KIF21A: variants seen among roughly 807,000 people sequenced by gnomAD.
The protein encoded by KIF21A is kinesin family member 21A, also known as kinesin-like protein KIF21A.
Under a neutral mutation model 202.9 loss-of-function variants are expected in KIF21A, and 114 were observed. That is an observed-to-expected ratio of 0.56 (90% CI 0.48 to 0.66). The LOEUF is 0.66. Among genes scored for constraint, KIF21A ranks in the 30% least tolerant of loss-of-function variants. The probability of loss-of-function intolerance (pLI) is 0.00; values close to 1 mark genes in which losing one functional copy is unlikely to be tolerated. For synonymous variants in KIF21A, 667 were observed against 670.8 expected (o/e 0.99, Z 0.09); for missense variants, 1,677 against 1,994.9 (o/e 0.84, Z 3.04).
chr12:39,442,855 C>T lies in KIF21A; in HGVS notation c.44+72G>A. 2 of 1,501,832 alleles carry T rather than the reference C, an allele frequency of 1.3e-6. No homozygotes were observed. Among genetic ancestry groups the T allele is most frequent in the African/African-American group, 1.4e-5 (1 of 69,754 alleles). 93.0% of individuals were successfully genotyped at this position (1,501,832 alleles called of 1,614,324 possible). Reference sequence around the variant, plus strand: ...CGCTCCACCCCGGTAGCCGGTGCTCCGCGCCACAGCCAGGTCCTTGCCGCG... The same window carrying T: ...CGCTCCACCCCGGTAGCCGGTGCTCTGCGCCACAGCCAGGTCCTTGCCGCG... On this transcript the variant is annotated intron_variant, in intron 1 of 37. Coordinates refer to ENST00000361418, the MANE Select transcript of KIF21A (RefSeq NM_001173464.2). The surrounding 1 kb of genome is among the most constrained non-coding windows in gnomAD (Gnocchi z 5.0).
At chr12:39,301,275 G>A (rs1362167057) in intron 37 of KIF21A, among the ~76,000 whole-genome samples, 1 of 152,170 alleles carries the variant, frequency 6.6e-6, no homozygotes, top group African/African-American at 2.4e-5. Flanking sequence ...CTATACAGGA[G>A]TAACAGTATT....
chr12:39,346,563 G>T, intron 11 of KIF21A, 59 bp from the exon 12 acceptor site: 1 of 1,219,714 alleles, frequency 8.2e-7, no homozygotes, highest in Non-Finnish European at 1.1e-6. Context: ...AAACCAGACA[G>T]TAAAAAGCGA....
intron 1 of KIF21A, among the ~76,000 whole-genome samples, chr12:39,384,548 A>C (rs984090943): frequency 3.9e-5 from 6 of 152,216 alleles, no homozygotes; most frequent in Non-Finnish European, 7.3e-5. Flanking sequence ...ATCCATGAAG[A>C]ATGGAGGCAG....
intron 34 of KIF21A, 144 bp downstream of exon 34, chr12:39,307,421 G>A (rs1943583757): frequency 3.0e-6 from 2 of 670,096 alleles, no homozygotes; most frequent in Non-Finnish European, 5.1e-6. Flanking sequence ...GAGACATTTA[G>A]AGGTACTATG....
At chr12:39,382,556 T>A (rs1011742106) in intron 1 of KIF21A, among the ~76,000 whole-genome samples, 6 of 152,138 alleles carry the variant, frequency 3.9e-5, no homozygotes, top group African/African-American at 1.4e-4. Context: ...AATAATCTAC[T>A]CCAATGGGGC....
At chr12:39,298,971 C>T (rs1232135088) in intron 37 of KIF21A, among the ~76,000 whole-genome samples, 1 of 152,132 alleles carries the variant, frequency 6.6e-6, no homozygotes, top group African/African-American at 2.4e-5. Flanking sequence ...ATGCCTCGCA[C>T]ATAGTAAGCA....
At chr12:39,396,300 C>T (rs1951755977) in intron 1 of KIF21A, among the ~76,000 whole-genome samples, 1 of 152,172 alleles carries the variant, frequency 6.6e-6, no homozygotes, top group Admixed American at 6.5e-5. Context: ...TCCCAACCCT[C>T]ACCTCTTGTG....
intron 4 of KIF21A, 99 bp downstream of exon 4, chr12:39,367,784 A>C: frequency 1.1e-6 from 1 of 903,412 alleles, no homozygotes; most frequent in South Asian, 1.5e-5. Flanking sequence ...ATGCTTCAGG[A>C]TATAAATTTC....
intron 34 of KIF21A, 61 bp downstream of exon 34, chr12:39,307,504 T>A: frequency 1.3e-6 from 2 of 1,509,392 alleles, no homozygotes; most frequent in Non-Finnish European, 9.2e-7. Context: ...GCACTAATGT[T>A]ATTAATGTCT....
At position 39,315,256 on chromosome 12, in the gene KIF21A, A is replaced by G; in HGVS notation, c.3948-16T>C. 1 of 1,611,440 alleles carries G rather than the reference A, an allele frequency of 6.2e-7. No homozygotes were observed. ...TCTGGAGGATCTGCTGATGATCAGCAAAAATGGCCATAAAACAAGGAAAAC... is the reference window on the plus strand; with the variant it reads ...TCTGGAGGATCTGCTGATGATCAGCGAAAATGGCCATAAAACAAGGAAAAC... On this transcript the variant is annotated splice_polypyrimidine_tract_variant and intron_variant, in intron 30 of 37. Transcript: ENST00000361418.
intron 36 of KIF21A, among the ~76,000 whole-genome samples, chr12:39,301,964 C>T (rs1264156077): frequency 6.6e-6 from 1 of 152,170 alleles, no homozygotes; most frequent in Non-Finnish European, 1.5e-5. Context: ...AGCATCACAT[C>T]CTCTTCATGG....
At chr12:39,412,202 AT>A (rs1159466951) in intron 1 of KIF21A, among the ~76,000 whole-genome samples, 16 of 152,320 alleles carry the variant, frequency 1.1e-4, no homozygotes, top group Admixed American at 8.5e-4. Flanking sequence ...AAAAAAATGT[AT>A]ATTCTCAATA....
chr12:39,427,684 G>A (rs986105123), intron 1 of KIF21A, among the ~76,000 whole-genome samples: 3 of 152,080 alleles, frequency 2.0e-5, no homozygotes, highest in South Asian at 2.1e-4. Context: ...TGTTTGAGAC[G>A]GTCTCTCTCT....
intron 1 of KIF21A, among the ~76,000 whole-genome samples, chr12:39,408,755 A>G (rs577058783): frequency 1.3e-5 from 2 of 152,206 alleles, no homozygotes; most frequent in Admixed American, 1.3e-4. Context: ...TAACACATGT[A>G]TAATTAGAGT....
At chr12:39,349,117 G>T (rs1386906597) in intron 11 of KIF21A, among the ~76,000 whole-genome samples, 1 of 152,030 alleles carries the variant, frequency 6.6e-6, no homozygotes, top group African/African-American at 2.4e-5. Flanking sequence ...ACACAGGAAG[G>T]TCAGTAAGAA....
At chr12:39,311,046 ATATG>A (rs1365992932) in intron 32 of KIF21A, among the ~76,000 whole-genome samples, 4 of 152,014 alleles carry the variant, frequency 2.6e-5, no homozygotes, top group Admixed American at 2.6e-4. Flanking sequence ...ATAGCCCCTG[ATATG>A]TAGTAAGTGT....
chr12:39,337,030 C>T (rs1947036272), intron 17 of KIF21A, 66 bp downstream of exon 17: 1 of 1,113,714 alleles, frequency 9.0e-7, no homozygotes, highest in African/African-American at 1.5e-5. Context: ...ATTTTTCCTC[C>T]ATTTATTAAA....
At chr12:39,414,987 T>C (rs1592635846) in intron 1 of KIF21A, among the ~76,000 whole-genome samples, 1 of 147,298 alleles carries the variant, frequency 6.8e-6, no homozygotes, top group Non-Finnish European at 1.5e-5. Context: ...CAAAGCAAAA[T>C]CAGCCTAGGA....
At chr12:39,332,080 C>T in intron 21 of KIF21A, 134 bp downstream of exon 21, 1 of 800,850 alleles carries the variant, frequency 1.2e-6, no homozygotes, top group South Asian at 1.6e-5. Flanking sequence ...AAGTGGCATA[C>T]ATGTAAAACC....
Sources: allele counts gnomAD v4.1 joint callset (sites outside exome capture counted in the v4.1 genomes callset), GRCh38; gene constraint gnomAD v4.1.1; non-coding constraint Gnocchi (gnomAD v3.1); transcripts MANE v1.5; gene names NCBI Gene and HGNC (gene_info 2026-07-23, HGNC 2026-07-21).